Variants in GALNT13 observed in about 807,000 individuals in gnomAD.
The protein encoded by GALNT13 is UDP-GalNAc:polypeptide N-acetylgalactosaminyltransferase 13.
Under a neutral mutation model 64.2 loss-of-function variants are expected in GALNT13, and 28 were observed. The observed-to-expected ratio is 0.44, with a 90% CI of 0.32 to 0.60. The LOEUF is 0.60. Among genes scored for constraint, GALNT13 ranks in the 20% least tolerant of loss-of-function variants. The probability of loss-of-function intolerance (pLI) is 0.05; values close to 1 mark genes in which losing one functional copy is unlikely to be tolerated. For missense variants in GALNT13, 577 were observed against 669.8 expected, an observed-to-expected ratio of 0.86 and a Z score of 1.53; for synonymous variants, 214 against 224.6, an observed-to-expected ratio of 0.95 and a Z score of 0.42.
the GALNT13 span, among the ~76,000 whole-genome samples, chr2:153,107,244 G>T: frequency 6.6e-6 from 1 of 152,078 alleles, no homozygotes; most frequent in African/African-American, 2.4e-5. Flanking sequence ...AGAGCCATAG[G>T]GCTAAGACAA....
At chr2:153,823,802 C>G in the GALNT13 span, among the ~76,000 whole-genome samples, 2 of 151,986 alleles carry the variant, frequency 1.3e-5, no homozygotes, top group East Asian at 1.9e-4. Flanking sequence ...TCTGTACAAC[C>G]AAATAAATCA....
chr2:154,169,638 G>C (rs1263177708), intron 4 of GALNT13, among the ~76,000 whole-genome samples: 1 of 152,150 alleles, frequency 6.6e-6, no homozygotes, highest in East Asian at 1.9e-4. Context: ...CCTTCAGAAG[G>C]GGGCAAGGCT....
the GALNT13 span, among the ~76,000 whole-genome samples, chr2:153,820,212 A>G: frequency 1.3e-5 from 2 of 152,232 alleles, no homozygotes; most frequent in Admixed American, 1.3e-4. Flanking sequence ...AAAAATGAAC[A>G]AAGTCTTCAA....
At chr2:153,440,437 A>G in the GALNT13 span, among the ~76,000 whole-genome samples, 1 of 152,162 alleles carries the variant, frequency 6.6e-6, no homozygotes, top group South Asian at 2.1e-4. Flanking sequence ...TTATAGTTGA[A>G]TGATTTATAA....
intron 3 of GALNT13, among the ~76,000 whole-genome samples, chr2:154,014,648 T>TTTTTG (rs146277893): frequency 5.0e-5 from 7 of 139,258 alleles, no homozygotes; most frequent in Non-Finnish European, 7.9e-5. Flanking sequence ...TTTTTTTTTT[T>TTTTTG]TTGAGACGGA....
intron 1 of GALNT13, among the ~76,000 whole-genome samples, chr2:153,882,179 G>C (rs10209986): frequency 7.4e-5 from 11 of 147,688 alleles, no homozygotes; most frequent in South Asian, 2.2e-4. Context: ...TAGAATGTAG[G>C]GGGGGGTCGA....
the GALNT13 span, among the ~76,000 whole-genome samples, chr2:153,316,478 T>C: frequency 4.6e-5 from 7 of 151,638 alleles, no homozygotes; most frequent in African/African-American, 1.2e-4. Flanking sequence ...ATGTCTTTAC[T>C]AAAAATACAA....
the GALNT13 span, among the ~76,000 whole-genome samples, chr2:153,651,474 C>G: frequency 6.6e-5 from 10 of 152,256 alleles, no homozygotes; most frequent in Admixed American, 1.3e-4. Flanking sequence ...GTTGTTCTTT[C>G]AATATCTCAG....
chr2:153,118,235 G>A, the GALNT13 span, among the ~76,000 whole-genome samples: 9 of 151,430 alleles, frequency 5.9e-5, no homozygotes, highest in Non-Finnish European at 1.2e-4. Flanking sequence ...CTCCCTAGTT[G>A]CAACCTAAAA....
the GALNT13 span, among the ~76,000 whole-genome samples, chr2:153,627,857 CTTT>C: frequency 1.0e-3 from 156 of 152,100 alleles, 1 homozygote; most frequent in East Asian, 0.023. Context: ...TCCATATGAA[CTTT>C]AAAGTAGTTT....
the GALNT13 span, among the ~76,000 whole-genome samples, chr2:153,465,824 A>G: frequency 1.3e-5 from 2 of 152,054 alleles, no homozygotes. Flanking sequence ...AGGTGAAACA[A>G]AAGATGATTT....
chr2:153,849,530 A>G, the GALNT13 span, among the ~76,000 whole-genome samples: 3 of 152,212 alleles, frequency 2.0e-5, no homozygotes, highest in Non-Finnish European at 4.4e-5. Flanking sequence ...ATGGAATACA[A>G]TGATTCTGAG....
At chr2:153,274,421 G>A in the GALNT13 span, among the ~76,000 whole-genome samples, 11 of 152,070 alleles carry the variant, frequency 7.2e-5, no homozygotes, top group East Asian at 3.9e-4. Flanking sequence ...ATTTTGCTTC[G>A]AACAGGCAGA....
chr2:154,359,222 T>C (rs1225467165), intron 9 of GALNT13, among the ~76,000 whole-genome samples: 1 of 152,060 alleles, frequency 6.6e-6, no homozygotes, highest in African/African-American at 2.4e-5. Context: ...AGACCGGGTA[T>C]CCTATTCAAG....
At chr2:153,629,589 C>A in the GALNT13 span, among the ~76,000 whole-genome samples, 1 of 152,154 alleles carries the variant, frequency 6.6e-6, no homozygotes, top group Non-Finnish European at 1.5e-5. Flanking sequence ...TAGGCATGGG[C>A]AAGGACTTCA....
At chr2:153,915,041 T>C (rs977741102) in intron 2 of GALNT13, among the ~76,000 whole-genome samples, 1 of 151,984 alleles carries the variant, frequency 6.6e-6, no homozygotes, top group Non-Finnish European at 1.5e-5. Flanking sequence ...CCTCCTGGAG[T>C]CTGTGGGATT....
At chr2:153,995,064 G>T (rs1441871290) in intron 3 of GALNT13, among the ~76,000 whole-genome samples, 3 of 151,516 alleles carry the variant, frequency 2.0e-5, no homozygotes, top group Non-Finnish European at 4.4e-5. Flanking sequence ...TTTTATTAAA[G>T]ATTTAAGCTT....
the GALNT13 span, among the ~76,000 whole-genome samples, chr2:153,722,457 C>T: frequency 2.1e-5 from 3 of 143,772 alleles, no homozygotes; most frequent in Non-Finnish European, 4.5e-5. Flanking sequence ...TAACTAAAAT[C>T]GGAGCAGAAC....
At chr2:154,322,028 A>G (rs1180763005) in intron 9 of GALNT13, among the ~76,000 whole-genome samples, 1 of 151,898 alleles carries the variant, frequency 6.6e-6, no homozygotes, top group African/African-American at 2.4e-5. Context: ...GCATTCATGG[A>G]AGCTTTGGTT....
Sources: gnomAD v4.1 joint callset for allele counts (sites outside exome capture counted in the v4.1 genomes callset) on GRCh38, gnomAD v4.1.1 for gene constraint, MANE v1.5 for transcripts, NCBI Gene and HGNC (gene_info 2026-07-23, HGNC 2026-07-21) for gene names.